CLSTN2: variants seen among roughly 807,000 people sequenced by gnomAD.
CLSTN2 encodes the protein calsyntenin-2.
A neutral mutation model predicts 101.2 loss-of-function variants in CLSTN2; 48 were observed. The ratio of observed to expected loss-of-function variants is 0.47; its 90% confidence interval spans 0.38 to 0.60. The LOEUF (loss-of-function observed/expected upper bound fraction) is 0.60, where lower values mean the gene tolerates loss of function less well. CLSTN2 is among the 20% of genes least tolerant of loss of function. The pLI is 0.00. For missense variants in CLSTN2, 1,160 were observed against 1,238.2 expected (o/e 0.94, Z 0.95); for synonymous variants, 481 against 463.6 (o/e 1.04, Z -0.48).
At chr3:140,385,354 G>GTTT (rs1410813353) in intron 2 of CLSTN2, among the ~76,000 whole-genome samples, 6 of 99,028 alleles carry the variant, frequency 6.1e-5, no homozygotes, top group African/African-American at 2.0e-4. Context: ...GGTCCCTGAT[G>GTTT]TTCTTTTTTT....
intron 5 of CLSTN2, among the ~76,000 whole-genome samples, chr3:140,445,421 C>T (rs1018748562): frequency 1.3e-5 from 2 of 152,096 alleles, no homozygotes; most frequent in East Asian, 3.9e-4. Flanking sequence ...GAGAAAAGGC[C>T]TCCAGAGACC....
chr3:140,476,092 G>C (rs146953670), intron 8 of CLSTN2, among the ~76,000 whole-genome samples: 34 of 152,322 alleles, frequency 2.2e-4, no homozygotes, highest in African/African-American at 8.2e-4. Context: ...CAGTGGGAGG[G>C]AGGGAGGCGT....
chr3:140,559,609 G>A (rs1935870056), intron 12 of CLSTN2, among the ~76,000 whole-genome samples: 1 of 151,984 alleles, frequency 6.6e-6, no homozygotes, highest in East Asian at 1.9e-4. Flanking sequence ...ACAAGGGAGG[G>A]AGGGAAGAAA....
intron 1 of CLSTN2, among the ~76,000 whole-genome samples, chr3:140,055,363 A>G (rs2008078028): frequency 6.6e-6 from 1 of 152,256 alleles, no homozygotes; most frequent in Admixed American, 6.5e-5. Context: ...TCCAGATTGC[A>G]GCATTTAAGC....
intron 2 of CLSTN2, among the ~76,000 whole-genome samples, chr3:140,392,904 G>A (rs1324464824): frequency 6.6e-6 from 1 of 151,950 alleles, no homozygotes; most frequent in African/African-American, 2.4e-5. Flanking sequence ...GCCACAACTG[G>A]TGAGGCCCTT....
chr3:140,229,703 G>A (rs980507381), intron 2 of CLSTN2, among the ~76,000 whole-genome samples: 3 of 151,900 alleles, frequency 2.0e-5, no homozygotes, highest in Non-Finnish European at 2.9e-5. Context: ...CCCTGCTCCC[G>A]CTCTCACCTT....
intron 2 of CLSTN2, among the ~76,000 whole-genome samples, chr3:140,222,842 A>C (rs1361747678): frequency 1.4e-5 from 2 of 147,618 alleles, no homozygotes; most frequent in African/African-American, 5.0e-5. Context: ...CACCTACTAC[A>C]CACCCATAGA....
intron 1 of CLSTN2, among the ~76,000 whole-genome samples, chr3:140,115,530 C>T (rs1176266323): frequency 6.6e-6 from 1 of 152,268 alleles, no homozygotes. Context: ...ATTTGAATAG[C>T]AAGTTCTCTG....
chr3:139,937,461 G>T (rs1273012384), intron 1 of CLSTN2, among the ~76,000 whole-genome samples: 3 of 152,068 alleles, frequency 2.0e-5, no homozygotes, highest in Non-Finnish European at 2.9e-5. Context: ...GTCAGGTCGG[G>T]CATGGTGGCT....
intron 2 of CLSTN2, among the ~76,000 whole-genome samples, chr3:140,211,709 T>C (rs994201290): frequency 3.3e-5 from 5 of 151,960 alleles, no homozygotes; most frequent in African/African-American, 4.8e-5. Context: ...AATGACACCA[T>C]ATTTGAATAG....
intron 1 of CLSTN2, among the ~76,000 whole-genome samples, chr3:140,173,234 C>A (rs1379791676): frequency 1.3e-5 from 2 of 152,172 alleles, no homozygotes; most frequent in Non-Finnish European, 2.9e-5. Context: ...GGCTACAGGG[C>A]CCATGCAAGT....
chr3:140,195,948 G>A (rs749936283), intron 2 of CLSTN2, among the ~76,000 whole-genome samples: 1 of 152,152 alleles, frequency 6.6e-6, no homozygotes, highest in Non-Finnish European at 1.5e-5. Context: ...TTCTCACTAT[G>A]GAGCTTATAT....
At chr3:140,305,180 C>T (rs760566446) in intron 2 of CLSTN2, among the ~76,000 whole-genome samples, 4 of 151,894 alleles carry the variant, frequency 2.6e-5, no homozygotes, top group Non-Finnish European at 4.4e-5. Context: ...GGATCCTGTA[C>T]GTGGATTCAA....
intron 8 of CLSTN2, among the ~76,000 whole-genome samples, chr3:140,529,142 G>A (rs1256644228): frequency 6.6e-6 from 1 of 152,142 alleles, no homozygotes. Context: ...CATCTCATGG[G>A]AGGCTTCCCT....
chr3:140,085,091 T>G (rs2008658692), intron 1 of CLSTN2, among the ~76,000 whole-genome samples: 1 of 152,262 alleles, frequency 6.6e-6, no homozygotes, highest in Non-Finnish European at 1.5e-5. Flanking sequence ...TTTCGATTCT[T>G]GCAGCCTCTC....
At chr3:140,234,280 A>G (rs775733200) in intron 2 of CLSTN2, among the ~76,000 whole-genome samples, 10 of 152,216 alleles carry the variant, frequency 6.6e-5, no homozygotes, top group Non-Finnish European at 1.3e-4. Flanking sequence ...CACTGCTTGC[A>G]AGTGATGCTG....
At chr3:140,353,903 G>A (rs1281630804) in intron 2 of CLSTN2, among the ~76,000 whole-genome samples, 3 of 152,128 alleles carry the variant, frequency 2.0e-5, no homozygotes, top group Admixed American at 1.3e-4. Flanking sequence ...GAGGGACAAC[G>A]CCAAAATGCT....
At chr3:140,203,600 C>T (rs1028150661) in intron 2 of CLSTN2, among the ~76,000 whole-genome samples, 1 of 151,192 alleles carries the variant, frequency 6.6e-6, no homozygotes, top group Non-Finnish European at 1.5e-5. Flanking sequence ...CGTGCCTCTG[C>T]CAGTCACCTG....
At chr3:140,447,164 G>A (rs1933101998) in intron 5 of CLSTN2, among the ~76,000 whole-genome samples, 1 of 152,218 alleles carries the variant, frequency 6.6e-6, no homozygotes, top group South Asian at 2.1e-4. Flanking sequence ...GGTGAGGTCA[G>A]GCAACTTTAT....
Sources: gnomAD v4.1 joint callset for allele counts (sites outside exome capture counted in the v4.1 genomes callset) on GRCh38, gnomAD v4.1.1 for gene constraint, MANE v1.5 for transcripts, NCBI Gene and HGNC (gene_info 2026-07-23, HGNC 2026-07-21) for gene names.